TNFSF4: variants seen among roughly 807,000 people sequenced by gnomAD.
The protein encoded by TNFSF4 is tumor necrosis factor ligand superfamily member 4.
TNFSF4 carries 4 observed loss-of-function variants against 7.3 expected under a neutral mutation model. The ratio of observed to expected loss-of-function variants is 0.55; its 90% confidence interval spans 0.27 to 1.25. The LOEUF (loss-of-function observed/expected upper bound fraction) is 1.25. Ranked by LOEUF, TNFSF4 falls within the 50% of genes most tolerant of loss-of-function variation. TNFSF4 has a pLI of 0.12. For missense variants in TNFSF4, 181 were observed against 208.8 expected (o/e 0.87, Z 0.82); for synonymous variants, 76 against 83.7 (o/e 0.91, Z 0.50).
chr1:173,204,918 C>CAA (rs111360679), intron 1 of TNFSF4, among the ~76,000 whole-genome samples: 1,830 of 138,396 alleles, frequency 0.013, 32 homozygotes, highest in African/African-American at 0.047. Flanking sequence ...CACACACACA[C>CAA]ACACAAACAC....
At chr1:173,287,473 A>G in the TNFSF4 span, among the ~76,000 whole-genome samples, 1 of 152,226 alleles carries the variant, frequency 6.6e-6, no homozygotes, top group Non-Finnish European at 1.5e-5. Context: ...GTAATGATAT[A>G]AGAGTAAATT....
chr1:173,414,217 A>G, the TNFSF4 span, among the ~76,000 whole-genome samples: 1 of 152,250 alleles, frequency 6.6e-6, no homozygotes, highest in East Asian at 1.9e-4. Flanking sequence ...AAGATGCCAG[A>G]AAATTCTGTT....
chr1:173,231,906 C>T, the TNFSF4 span, among the ~76,000 whole-genome samples: 1 of 152,012 alleles, frequency 6.6e-6, no homozygotes, highest in African/African-American at 2.4e-5. Context: ...TAGTGTGATG[C>T]CTCCAGCTTT....
chr1:173,411,884 A>C, the TNFSF4 span, among the ~76,000 whole-genome samples: 140,765 of 152,070 alleles, frequency 0.93, 65,193 homozygotes, highest in South Asian at 0.97. Context: ...CTTTGGGAGG[A>C]CGAGGCGGGC....
At chr1:173,259,931 G>A in the TNFSF4 span, among the ~76,000 whole-genome samples, 27 of 152,248 alleles carry the variant, frequency 1.8e-4, no homozygotes, top group African/African-American at 3.9e-4. Context: ...GATATCATGC[G>A]TAAGAACTTC....
At chr1:173,442,604 C>T in the TNFSF4 span, among the ~76,000 whole-genome samples, 1 of 130,820 alleles carries the variant, frequency 7.6e-6, no homozygotes, top group Non-Finnish European at 1.5e-5. Context: ...GGCTGGAGTG[C>T]AGTGATGCAA....
At chr1:173,199,451 A>G (rs1426494765) in intron 1 of TNFSF4, among the ~76,000 whole-genome samples, 1 of 152,220 alleles carries the variant, frequency 6.6e-6, no homozygotes, top group East Asian at 1.9e-4. Context: ...GAGAAGACAC[A>G]CAAGATACAC....
chr1:173,178,107 A>G, the TNFSF4 span, among the ~76,000 whole-genome samples: 4 of 152,308 alleles, frequency 2.6e-5, no homozygotes. Flanking sequence ...GGATATACCC[A>G]TTATATATCA....
the TNFSF4 span, among the ~76,000 whole-genome samples, chr1:173,368,962 C>A: frequency 1.3e-5 from 2 of 152,156 alleles, no homozygotes; most frequent in Admixed American, 6.5e-5. Context: ...TCTTTAGGCA[C>A]CCAGGCTCAC....
the TNFSF4 span, among the ~76,000 whole-genome samples, chr1:173,226,678 T>C: frequency 2.6e-5 from 4 of 152,216 alleles, no homozygotes; most frequent in Admixed American, 2.6e-4. Context: ...TGTTTCAAAA[T>C]CATTCTCCTT....
the TNFSF4 span, among the ~76,000 whole-genome samples, chr1:173,408,967 A>C: frequency 6.6e-6 from 1 of 152,220 alleles, no homozygotes; most frequent in Non-Finnish European, 1.5e-5. Flanking sequence ...ATAATTTTAC[A>C]GTGAAGAGGA....
the TNFSF4 span, among the ~76,000 whole-genome samples, chr1:173,273,106 T>C: frequency 6.6e-6 from 1 of 152,172 alleles, no homozygotes. Flanking sequence ...CCTTGCAAAT[T>C]GATGTGGATG....
At chr1:173,327,450 C>G in the TNFSF4 span, among the ~76,000 whole-genome samples, 1 of 151,574 alleles carries the variant, frequency 6.6e-6, no homozygotes, top group South Asian at 2.1e-4. Context: ...TGGGCAAGGA[C>G]TTCATGTCTA....
chr1:173,447,422 AC>A, the TNFSF4 span, among the ~76,000 whole-genome samples: 1 of 152,142 alleles, frequency 6.6e-6, no homozygotes, highest in Non-Finnish European at 1.5e-5. Context: ...TAGGTTCATC[AC>A]CCGTAACAAA....
chr1:173,179,175 A>G (rs1305981389), downstream of TNFSF4, among the ~76,000 whole-genome samples: 1 of 152,186 alleles, frequency 6.6e-6, no homozygotes, highest in Non-Finnish European at 1.5e-5. Context: ...TTTACAGCAG[A>G]TATAGAAAAC....
chr1:173,244,659 A>G, the TNFSF4 span, among the ~76,000 whole-genome samples: 2 of 112,420 alleles, frequency 1.8e-5, no homozygotes, highest in South Asian at 2.6e-4. Context: ...AACAAAAAAC[A>G]AAAAAAACAA....
chr1:173,445,559 A>T, the TNFSF4 span, among the ~76,000 whole-genome samples: 4 of 152,162 alleles, frequency 2.6e-5, no homozygotes, highest in Non-Finnish European at 5.9e-5. Flanking sequence ...TAGTTAAACA[A>T]ACAGAAAAGG....
In TNFSF4 at chr1:173,183,976, G is replaced by T. The variant is rs759380213; in HGVS notation, c.*2540C>A. 2.0e-5 allele frequency: 3 copies of T among 152,126 alleles called. No individual in the cohort carries two copies. Among genetic ancestry groups the T allele is most frequent in the African/African-American group, 7.2e-5 (3 of 41,422 alleles). The allele number at this position is 152,126 out of a possible 1,614,324, so 9.4% of individuals were successfully genotyped here. On this transcript the variant is annotated 3_prime_UTR_variant, in exon 3 of 3. Coordinates refer to ENST00000281834, the MANE Select transcript of TNFSF4 (RefSeq NM_003326.5). Reference sequence around the variant, plus strand: ...TAACAATTGATAACTGCTCTTGAAGGACTCACAAAGATGGCTGAGGAAGAT... The same window carrying T: ...TAACAATTGATAACTGCTCTTGAAGTACTCACAAAGATGGCTGAGGAAGAT...
At chr1:173,433,003 G>A in the TNFSF4 span, among the ~76,000 whole-genome samples, 4 of 152,232 alleles carry the variant, frequency 2.6e-5, no homozygotes, top group South Asian at 4.2e-4. Flanking sequence ...ACACATATAC[G>A]TAACATATAC....
Sources: gnomAD v4.1 joint callset for allele counts (sites outside exome capture counted in the v4.1 genomes callset) on GRCh38, gnomAD v4.1.1 for gene constraint, MANE v1.5 for transcripts, NCBI Gene and HGNC (gene_info 2026-07-23, HGNC 2026-07-21) for gene names.